The following KCTD16 variants were observed in gnomAD, a reference collection of about 807,000 sequenced individuals.
KCTD16 encodes BTB/POZ domain-containing protein KCTD16.
Under a neutral mutation model 33.2 loss-of-function variants are expected in KCTD16, and 13 were observed. That is an observed-to-expected ratio of 0.39 (90% CI 0.25 to 0.62). The LOEUF is 0.62. KCTD16 is among the 20% of genes least tolerant of loss of function. The pLI is 0.50. For missense variants in KCTD16, 441 were observed against 525.1 expected (o/e 0.84, Z 1.57); for synonymous variants, 197 against 195.3 (o/e 1.01, Z -0.07).
chr5:144,361,211 A>G (rs927970168), intron 3 of KCTD16, among the ~76,000 whole-genome samples: 7 of 152,050 alleles, frequency 4.6e-5, no homozygotes, highest in South Asian at 2.1e-4. Flanking sequence ...AATTTCATCC[A>G]TGTCCCTACA....
intron 3 of KCTD16, among the ~76,000 whole-genome samples, chr5:144,319,793 T>A (rs1254722312): frequency 6.6e-6 from 1 of 152,156 alleles, no homozygotes; most frequent in Non-Finnish European, 1.5e-5. Flanking sequence ...TAAAAATGGC[T>A]CTGATAATCA....
At chr5:144,472,073 G>A (rs1754489391) in intron 3 of KCTD16, among the ~76,000 whole-genome samples, 2 of 152,156 alleles carry the variant, frequency 1.3e-5, no homozygotes, top group South Asian at 4.1e-4. Context: ...GACTATATTA[G>A]AAATGGCAAT....
intron 3 of KCTD16, among the ~76,000 whole-genome samples, chr5:144,259,149 T>G (rs959464755): frequency 1.3e-5 from 2 of 150,154 alleles, no homozygotes; most frequent in African/African-American, 4.9e-5. Flanking sequence ...TCCCAGCTAC[T>G]CAGGAGACTG....
intron 3 of KCTD16, among the ~76,000 whole-genome samples, chr5:144,407,595 G>C (rs891611844): frequency 2.6e-4 from 40 of 151,924 alleles, no homozygotes; most frequent in Non-Finnish European, 1.8e-4. Flanking sequence ...TTGTTACATA[G>C]GTATACATGT....
At chr5:144,199,136 T>G (rs1024183635) in intron 2 of KCTD16, among the ~76,000 whole-genome samples, 5 of 152,176 alleles carry the variant, frequency 3.3e-5, no homozygotes, top group African/African-American at 7.2e-5. Flanking sequence ...TTTTAAAAAA[T>G]AAATATTTTT....
intron 3 of KCTD16, among the ~76,000 whole-genome samples, chr5:144,436,205 A>G (rs140802169): frequency 3.7e-4 from 57 of 152,228 alleles, no homozygotes; most frequent in Admixed American, 5.2e-4. Context: ...GGACTTAATA[A>G]ATGTTTACAC....
intron 3 of KCTD16, among the ~76,000 whole-genome samples, chr5:144,228,271 G>A (rs1419453972): frequency 1.3e-5 from 2 of 152,162 alleles, no homozygotes; most frequent in Admixed American, 1.3e-4. Flanking sequence ...AGTAGGAAGA[G>A]AACCAGGAAA....
intron 1 of KCTD16, among the ~76,000 whole-genome samples, chr5:144,173,854 G>T (rs1046266929): frequency 6.6e-6 from 1 of 150,956 alleles, no homozygotes; most frequent in African/African-American, 2.4e-5. Flanking sequence ...GAAATTTTGA[G>T]AACATCCACT....
At chr5:144,294,510 G>C (rs1458305037) in intron 3 of KCTD16, among the ~76,000 whole-genome samples, 1 of 152,012 alleles carries the variant, frequency 6.6e-6, no homozygotes, top group Non-Finnish European at 1.5e-5. Context: ...TTCCTTGTGG[G>C]AGAGATTTTT....
intron 3 of KCTD16, among the ~76,000 whole-genome samples, chr5:144,320,332 A>G (rs1348558127): frequency 3.9e-5 from 6 of 152,168 alleles, no homozygotes; most frequent in Non-Finnish European, 4.4e-5. Context: ...TTAAAATTAT[A>G]AATTCTTAGC....
At chr5:144,284,900 CAG>C (rs1047965147) in intron 3 of KCTD16, among the ~76,000 whole-genome samples, 13 of 152,292 alleles carry the variant, frequency 8.5e-5, no homozygotes, top group African/African-American at 3.1e-4. Flanking sequence ...CCTCAGGATT[CAG>C]AGTCGAGGGT....
chr5:144,390,703 T>A (rs748379323), intron 3 of KCTD16, among the ~76,000 whole-genome samples: 14 of 151,178 alleles, frequency 9.3e-5, no homozygotes, highest in Non-Finnish European at 1.3e-4. Flanking sequence ...CGGGCCCCGG[T>A]GTGTGATGTT....
At chr5:144,419,923 G>T (rs1362330741) in intron 3 of KCTD16, among the ~76,000 whole-genome samples, 1 of 152,110 alleles carries the variant, frequency 6.6e-6, no homozygotes, top group Admixed American at 6.6e-5. Flanking sequence ...GATAACTGAC[G>T]AGTCAGAAGC....
intron 3 of KCTD16, among the ~76,000 whole-genome samples, chr5:144,333,310 C>A (rs1176757940): frequency 6.6e-6 from 1 of 152,128 alleles, no homozygotes; most frequent in Non-Finnish European, 1.5e-5. Context: ...GGAGCTTCCA[C>A]TCCAGTGGAA....
chr5:144,185,478 C>A (rs935332274), intron 2 of KCTD16, among the ~76,000 whole-genome samples: 5 of 152,116 alleles, frequency 3.3e-5, no homozygotes, highest in African/African-American at 1.2e-4. Flanking sequence ...GTTCCCAAAT[C>A]ACATCTTTTT....
rs1049944974 is a variant in KCTD16 at position 144,483,655 on chromosome 5, A to G, written c.*9541A>G. 11 of 152,020 alleles carry G rather than the reference A, an allele frequency of 7.2e-5. No individual in the cohort carries two copies. The highest frequency in any genetic ancestry group is 2.7e-4 in the African/African-American group (11 of 41,434). The allele number at this position is 152,020 out of a possible 1,614,324, so 9.4% of individuals were successfully genotyped here. On this transcript the variant is annotated 3_prime_UTR_variant, in exon 4 of 4. Coordinates refer to ENST00000512467, the MANE Select transcript of KCTD16 (RefSeq NM_020768.4). ...AAGTTGTGTACTCATTCATAGCCAC[A>G]TGCTTTGCATATTACTGGGGAATGT...
At chr5:144,325,146 T>C (rs1335112442) in intron 3 of KCTD16, among the ~76,000 whole-genome samples, 1 of 152,214 alleles carries the variant, frequency 6.6e-6, no homozygotes, top group East Asian at 1.9e-4. Context: ...TTTTATAGGT[T>C]AGATCTCTTC....
intron 3 of KCTD16, among the ~76,000 whole-genome samples, chr5:144,471,194 AAAC>A (rs1370614870): frequency 6.6e-6 from 1 of 152,170 alleles, no homozygotes; most frequent in East Asian, 1.9e-4. Flanking sequence ...AAAAACAAAC[AAAC>A]AACAACAAAA....
Position 144,451,277 on chromosome 5 carries a change from G to T in KCTD16, c.833-22383G>T, listed in dbSNP as rs534199483. Among the ~76,000 whole-genome samples the T allele has an allele frequency of 6.6e-5, 10 of 152,212 alleles. 1 individual carries two copies. Among genetic ancestry groups the T allele is most frequent in the African/African-American group, 2.4e-4 (10 of 41,552 alleles). On this transcript the variant is annotated intron_variant, in intron 3 of 3. Transcript: ENST00000512467. ...AGCAGATTTTTTAAAAAGTGGAGTA[G>T]TCAATTTCTCCAAGTTATTTTTATT...
Sources: allele counts gnomAD v4.1 joint callset (sites outside exome capture counted in the v4.1 genomes callset), GRCh38; gene constraint gnomAD v4.1.1; transcripts MANE v1.5; gene names NCBI Gene and HGNC (gene_info 2026-07-23, HGNC 2026-07-21).